The following MYL11 variants were observed in gnomAD, a reference collection of about 807,000 sequenced individuals.
MYL11 encodes myosin regulatory light chain 11.
the MYL11 span, chr16:30,372,485 G>A: frequency 6.6e-6 from 1 of 152,142 alleles, no homozygotes; most frequent in South Asian, 2.1e-4. Context: ...GGCTTCCTCA[G>A]CCACTATTTT....
the MYL11 span, chr16:30,372,832 A>G: frequency 6.6e-6 from 1 of 151,292 alleles, no homozygotes; most frequent in African/African-American, 2.4e-5. Context: ...CACCAGCCCC[A>G]TCACAATTCT....
chr16:30,376,368 G>A, the MYL11 span: 278 of 1,568,812 alleles, frequency 1.8e-4, no homozygotes, highest in Middle Eastern at 3.6e-3. Context: ...AGTGGGAAGC[G>A]CAGGCCCGGC....
chr16:30,376,668 C>T, the MYL11 span: 1 of 1,614,082 alleles, frequency 6.2e-7, no homozygotes, highest in Non-Finnish European at 8.5e-7. Flanking sequence ...GTCTTGGACC[C>T]TGAGGGAAAG....
the MYL11 span, among the ~76,000 whole-genome samples, chr16:30,373,426 T>C: frequency 6.6e-6 from 1 of 152,116 alleles, no homozygotes; most frequent in Non-Finnish European, 1.5e-5. Context: ...AAACCCCGTC[T>C]CTACTAAAAA....
At chr16:30,377,767 G>C in the MYL11 span, 29 of 1,612,168 alleles carry the variant, frequency 1.8e-5, no homozygotes, top group South Asian at 6.6e-5. Flanking sequence ...CTAAGGGCCT[G>C]TGCGAGACGC....
At chr16:30,377,595 AG>A in the MYL11 span, 1 of 1,409,968 alleles carries the variant, frequency 7.1e-7, no homozygotes, top group East Asian at 2.5e-5. Flanking sequence ...ATGAGGTGCG[AG>A]GGAGTGGAAA....
At chr16:30,376,603 C>T in the MYL11 span, 1 of 1,614,062 alleles carries the variant, frequency 6.2e-7, no homozygotes, top group East Asian at 2.2e-5. Flanking sequence ...GCTTCATGTG[C>T]CCTCTGACCC....
the MYL11 span, chr16:30,377,443 T>G: frequency 2.2e-6 from 1 of 451,658 alleles, no homozygotes; most frequent in South Asian, 7.0e-5. Flanking sequence ...GGTAAGGGAG[T>G]AGTTAAGATT....
At chr16:30,376,137 C>A in the MYL11 span, 1 of 1,613,106 alleles carries the variant, frequency 6.2e-7, no homozygotes, top group South Asian at 1.1e-5. Flanking sequence ...CACCACGGCC[C>A]TCCCCAGGCC....
chr16:30,375,856 G>A, the MYL11 span: 10 of 1,613,914 alleles, frequency 6.2e-6, no homozygotes, highest in Non-Finnish European at 5.1e-6. Flanking sequence ...AGTAGAGGGC[G>A]GAAGCTCCAG....
At chr16:30,376,100 C>T in the MYL11 span, 2 of 1,598,310 alleles carry the variant, frequency 1.3e-6, no homozygotes, top group Non-Finnish European at 1.7e-6. Context: ...GATGCTGAGG[C>T]TGGGCCATGG....
the MYL11 span, among the ~76,000 whole-genome samples, chr16:30,371,279 G>C: frequency 6.6e-6 from 1 of 152,154 alleles, no homozygotes; most frequent in African/African-American, 2.4e-5. Context: ...CAACCAATGA[G>C]TGCCGCGCTG....
chr16:30,374,759 C>T, the MYL11 span: 1 of 1,492,950 alleles, frequency 6.7e-7, no homozygotes, highest in Admixed American at 2.2e-5. Context: ...TTAAGGGCTC[C>T]CTGGGGCAGG....
At chr16:30,376,042 G>A in the MYL11 span, 5 of 1,501,530 alleles carry the variant, frequency 3.3e-6, no homozygotes, top group Non-Finnish European at 3.7e-6. Flanking sequence ...GCTTGGGGTG[G>A]AAGAGGACAG....
the MYL11 span, among the ~76,000 whole-genome samples, chr16:30,374,250 A>T: frequency 1.3e-5 from 2 of 151,120 alleles, no homozygotes; most frequent in Non-Finnish European, 3.0e-5. Flanking sequence ...GGGGAGGTGG[A>T]GGTTGCAGTG....
the MYL11 span, chr16:30,376,744 C>CAGCT: frequency 6.4e-7 from 1 of 1,561,444 alleles, no homozygotes. Context: ...CCCACTCCAC[C>CAGCT]AGCTGCTCCC....
At chr16:30,373,946 C>T in the MYL11 span, among the ~76,000 whole-genome samples, 1 of 152,074 alleles carries the variant, frequency 6.6e-6, no homozygotes, top group Non-Finnish European at 1.5e-5. Context: ...AGTACATCCA[C>T]AAAGCCCAGC....
chr16:30,375,996 G>T, the MYL11 span: 4 of 1,523,126 alleles, frequency 2.6e-6, no homozygotes, highest in Non-Finnish European at 3.6e-6. Flanking sequence ...CTGCTTGAAG[G>T]AGGGGAAAGG....
At chr16:30,377,946 C>T in the MYL11 span, 1 of 1,536,688 alleles carries the variant, frequency 6.5e-7, no homozygotes, top group African/African-American at 1.4e-5. Context: ...TTCGGCCCGA[C>T]CTCCACCCCG....
Sources: gnomAD v4.1 joint callset for allele counts (sites outside exome capture counted in the v4.1 genomes callset) on GRCh38, gnomAD v4.1.1 for gene constraint, MANE v1.5 for transcripts, NCBI Gene and HGNC (gene_info 2026-07-23, HGNC 2026-07-21) for gene names.